The following IL1RAPL2 variants were observed in gnomAD, a reference collection of about 807,000 sequenced individuals.
IL1RAPL2 encodes interleukin 1 receptor accessory protein like 2.
Under a neutral mutation model 44.1 loss-of-function variants are expected in IL1RAPL2, and 3 were observed. The observed-to-expected ratio is 0.07, with a 90% CI of 0.03 to 0.18. The LOEUF is 0.18. Ranked by LOEUF, IL1RAPL2 falls within the 10% of genes least tolerant of loss-of-function variation. The pLI, the probability that IL1RAPL2 is intolerant of heterozygous loss-of-function variation, is 1.00. For synonymous variants in IL1RAPL2, 181 were observed against 178.8 expected, an observed-to-expected ratio of 1.01 and a Z score of -0.10; for missense variants, 391 against 496.4, an observed-to-expected ratio of 0.79 and a Z score of 2.02.
intron 2 of IL1RAPL2, among the ~76,000 whole-genome samples, chrX:104,945,597 C>T (rs1004061447): frequency 2.7e-5 from 3 of 111,737 alleles, no homozygotes; most frequent in African/African-American, 6.5e-5. Flanking sequence ...TAGGGCAATG[C>T]GTGTCTTTAC....
chrX:105,316,573 G>T (rs2034843427), intron 5 of IL1RAPL2, among the ~76,000 whole-genome samples: 1 of 111,771 alleles, frequency 8.9e-6, no homozygotes, highest in Middle Eastern at 4.6e-3. Context: ...GATACCATCT[G>T]GTACAAGCAC....
intron 5 of IL1RAPL2, among the ~76,000 whole-genome samples, chrX:105,274,842 A>ACAGT (rs10687815): frequency 0.064 from 7,103 of 111,475 alleles, 554 homozygotes; most frequent in African/African-American, 0.22. Flanking sequence ...TCAAAGTTAA[A>ACAGT]CAGTCATCTT....
chrX:104,985,094 AT>A (rs201801954), intron 2 of IL1RAPL2, among the ~76,000 whole-genome samples: 43,783 of 103,169 alleles, frequency 0.42, 7,186 homozygotes, highest in East Asian at 0.45. Flanking sequence ...ATTTTTCTTT[AT>A]TTTTTTTTTT....
intron 3 of IL1RAPL2, among the ~76,000 whole-genome samples, chrX:105,225,848 G>A (rs1441614381): frequency 3.7e-5 from 4 of 109,273 alleles, no homozygotes; most frequent in Non-Finnish European, 5.7e-5. Flanking sequence ...CATCATACCC[G>A]GCTAATTTTT....
At chrX:105,392,274 C>T (rs1282708378) in intron 5 of IL1RAPL2, among the ~76,000 whole-genome samples, 1 of 110,821 alleles carries the variant, frequency 9.0e-6, no homozygotes, top group African/African-American at 3.3e-5. Flanking sequence ...ATTTAGGACC[C>T]CTCATCAGCA....
intron 2 of IL1RAPL2, among the ~76,000 whole-genome samples, chrX:105,119,108 G>A (rs947681233): frequency 5.4e-5 from 6 of 111,088 alleles, no homozygotes. Flanking sequence ...TCATAACAGG[G>A]CTCTGTTGTG....
chrX:104,789,196 G>A (rs944376393), intron 2 of IL1RAPL2, among the ~76,000 whole-genome samples: 55 of 111,168 alleles, frequency 4.9e-4, no homozygotes, highest in Admixed American at 8.6e-4. Flanking sequence ...TACTTGGGGC[G>A]TATTGCATGA....
intron 1 of IL1RAPL2, among the ~76,000 whole-genome samples, chrX:104,616,848 G>T (rs6616542): frequency 3.6e-5 from 4 of 111,845 alleles, no homozygotes; most frequent in African/African-American, 9.8e-5. Flanking sequence ...CTGGTGTCCC[G>T]CACAGCCGGC....
At chrX:105,307,793 G>A (rs973566142) in intron 5 of IL1RAPL2, among the ~76,000 whole-genome samples, 7 of 100,263 alleles carry the variant, frequency 7.0e-5, no homozygotes, top group African/African-American at 2.2e-4. Context: ...TTTTCTTGAT[G>A]TGCAAATTAT....
At chrX:104,835,574 A>T (rs927688742) in intron 2 of IL1RAPL2, among the ~76,000 whole-genome samples, 28 of 111,427 alleles carry the variant, frequency 2.5e-4, no homozygotes, top group Non-Finnish European at 4.7e-4. Context: ...ATTTTTCCTA[A>T]TACTCCCAGT....
chrX:104,802,809 C>T (rs1243481467), intron 2 of IL1RAPL2, among the ~76,000 whole-genome samples: 1 of 111,322 alleles, frequency 9.0e-6, no homozygotes, highest in Non-Finnish European at 1.9e-5. Context: ...TCACTGTCCT[C>T]TAGAATATCA....
intron 1 of IL1RAPL2, among the ~76,000 whole-genome samples, chrX:104,650,649 C>G (rs1930136496): frequency 8.9e-6 from 1 of 111,810 alleles, no homozygotes; most frequent in African/African-American, 3.2e-5. Context: ...AAAAAAACCA[C>G]TTATTTTACT....
chrX:105,606,546 A>G (rs1282659880), intron 6 of IL1RAPL2, among the ~76,000 whole-genome samples: 1 of 111,431 alleles, frequency 9.0e-6, no homozygotes, highest in Non-Finnish European at 1.9e-5. Flanking sequence ...CAATTCCCCT[A>G]CAGGATATAT....
chrX:105,500,562 A>G (rs1266279897), intron 6 of IL1RAPL2, among the ~76,000 whole-genome samples: 2 of 111,571 alleles, frequency 1.8e-5, no homozygotes, highest in Non-Finnish European at 3.8e-5. Flanking sequence ...AAGTATTACA[A>G]TCAATTCCAA....
At chrX:104,703,245 C>A (rs1299010388) in intron 2 of IL1RAPL2, among the ~76,000 whole-genome samples, 1 of 111,106 alleles carries the variant, frequency 9.0e-6, no homozygotes, top group Non-Finnish European at 1.9e-5. Flanking sequence ...TGAAGGCAGA[C>A]CAATTAATCT....
At chrX:104,685,338 A>G (rs1034971091) in intron 2 of IL1RAPL2, among the ~76,000 whole-genome samples, 7 of 111,883 alleles carry the variant, frequency 6.3e-5, no homozygotes, top group African/African-American at 1.9e-4. Flanking sequence ...TCTTGCTGTA[A>G]GATATGCTTT....
In IL1RAPL2 at chrX:105,767,467, C is replaced by T. The variant is rs1354905230; in HGVS notation, c.1867C>T (p.His623Tyr). The part of the protein sequence containing the change: ...QIRHCCRGYK[H>Y]EIPATTLPVP... Reference sequence around the variant, plus strand: ...CAGGCACTGTTGCAGAGGTTATAAACATGAGATACCAGCCACGACCTTGCC... The same window carrying T: ...CAGGCACTGTTGCAGAGGTTATAAATATGAGATACCAGCCACGACCTTGCC... Residue 623 changes from histidine to tyrosine, a missense_variant, in exon 11 of 11, where the codon CAT becomes TAT. Around this residue, in one of 2 missense-constraint regions of IL1RAPL2, gnomAD observed 232 missense variants for 244.8 expected, o/e 0.95. Transcript: ENST00000372582. 2.5e-6 allele frequency: 3 copies of T among 1,209,484 alleles called. No homozygotes were observed. Among genetic ancestry groups the T allele is most frequent in the Middle Eastern group, 2.3e-4 (1 of 4,374 alleles).
At chrX:104,868,343 T>C in intron 2 of IL1RAPL2, among the ~76,000 whole-genome samples, 1 of 112,195 alleles carries the variant, frequency 8.9e-6, no homozygotes, top group Non-Finnish European at 1.9e-5. Flanking sequence ...CATGTGTTTG[T>C]GAGATATTAA....
At chrX:105,343,094 T>G (rs1293848751) in intron 5 of IL1RAPL2, among the ~76,000 whole-genome samples, 1 of 110,950 alleles carries the variant, frequency 9.0e-6, no homozygotes, top group Non-Finnish European at 1.9e-5. Flanking sequence ...CTACACAAGG[T>G]TGGTCAGGTA....
Sources: allele counts gnomAD v4.1 joint callset (sites outside exome capture counted in the v4.1 genomes callset), GRCh38; gene constraint gnomAD v4.1.1; regional missense constraint gnomAD v4.1.1; transcripts MANE v1.5; gene names NCBI Gene and HGNC (gene_info 2026-07-23, HGNC 2026-07-21).